MICU1: variants seen among roughly 807,000 people sequenced by gnomAD.
MICU1 encodes the protein mitochondrial calcium uptake 1.
Under a neutral mutation model 56.8 loss-of-function variants are expected in MICU1, and 45 were observed. The observed-to-expected ratio is 0.79, with a 90% CI of 0.62 to 1.02. The LOEUF is 1.02. Among genes scored for constraint, MICU1 ranks in the 50% least tolerant of loss-of-function variants. The probability of loss-of-function intolerance (pLI) is 0.00; values close to 1 mark genes in which losing one functional copy is unlikely to be tolerated. For missense variants in MICU1, 504 were observed against 587.1 expected, an observed-to-expected ratio of 0.86 and a Z score of 1.46; for synonymous variants, 186 against 195.1, an observed-to-expected ratio of 0.95 and a Z score of 0.39.
chr10:72,456,677 T>C (rs1865467542), intron 8 of MICU1, among the ~76,000 whole-genome samples: 1 of 152,132 alleles, frequency 6.6e-6, no homozygotes, highest in South Asian at 2.1e-4. Flanking sequence ...AACTATGTTT[T>C]AGGGTAATTT....
chr10:72,625,510 G>C (rs950347025), intron 1 of MICU1, among the ~76,000 whole-genome samples: 1 of 152,200 alleles, frequency 6.6e-6, no homozygotes. Flanking sequence ...GATAAAAACT[G>C]AACAGTCCGA....
intron 6 of MICU1, among the ~76,000 whole-genome samples, chr10:72,489,325 A>ACAC (rs1564898377): frequency 2.0e-4 from 24 of 121,276 alleles, no homozygotes; most frequent in African/African-American, 7.0e-4. Flanking sequence ...CACACACACA[A>ACAC]AAATAAAAAA....
At chr10:72,568,097 T>G (rs1361511804) in intron 1 of MICU1, among the ~76,000 whole-genome samples, 1 of 152,182 alleles carries the variant, frequency 6.6e-6, no homozygotes, top group Non-Finnish European at 1.5e-5. Context: ...GGGGAGACTT[T>G]GCTGCCCCCT....
chr10:72,572,570 A>G (rs1720963168), intron 1 of MICU1, among the ~76,000 whole-genome samples: 1 of 152,094 alleles, frequency 6.6e-6, no homozygotes, highest in South Asian at 2.1e-4. Flanking sequence ...TGATGCTATA[A>G]TAACATAATG....
intron 8 of MICU1, among the ~76,000 whole-genome samples, chr10:72,458,929 A>G (rs1165850950): frequency 7.9e-6 from 1 of 125,818 alleles, no homozygotes; most frequent in East Asian, 2.4e-4. Context: ...TTATCTTCCT[A>G]TGTTGCCCAG....
intron 1 of MICU1, among the ~76,000 whole-genome samples, chr10:72,587,367 T>A (rs545022053): frequency 3.4e-5 from 5 of 146,922 alleles, no homozygotes; most frequent in African/African-American, 1.3e-4. Context: ...CTCAGGAGGC[T>A]AAGGTGAGAG....
intron 4 of MICU1, among the ~76,000 whole-genome samples, chr10:72,534,210 A>C (rs910376879): frequency 1.6e-4 from 25 of 152,160 alleles, no homozygotes; most frequent in Admixed American, 5.2e-4. Context: ...AAAAAAAAAA[A>C]AAACTATTGC....
At chr10:72,397,349 C>T (rs949990047) in intron 10 of MICU1, among the ~76,000 whole-genome samples, 15 of 152,248 alleles carry the variant, frequency 9.9e-5, no homozygotes, top group African/African-American at 3.4e-4. Context: ...CAAAGACCAT[C>T]GATGCTATGA....
At position 72,368,372 on chromosome 10, in the gene MICU1, AAAC is replaced by A. The variant is rs1589141821; in HGVS notation, c.1271-20_1271-18del. ...CGCCATTGCCTAGAGGAAGAGGCAAAAACAACAGGGATAAGTGTTGGCCTTGGA... is the reference window on the plus strand; with the variant it reads ...CGCCATTGCCTAGAGGAAGAGGCAAAAACAGGGATAAGTGTTGGCCTTGGA... On this transcript the variant is annotated intron_variant, in intron 11 of 11. Transcript: ENST00000361114. The A allele has an allele frequency of 6.2e-7, 1 of 1,609,956 alleles. No homozygotes were observed. Among genetic ancestry groups the A allele is most frequent in the Non-Finnish European group, 8.5e-7 (1 of 1,176,720 alleles).
At chr10:72,440,645 A>C (rs1369289299) in intron 8 of MICU1, among the ~76,000 whole-genome samples, 1 of 152,188 alleles carries the variant, frequency 6.6e-6, no homozygotes, top group Non-Finnish European at 1.5e-5. Context: ...TTTGCAATCT[A>C]CTCATCTGAC....
chr10:72,550,040 C>T (rs1436811893), intron 4 of MICU1, among the ~76,000 whole-genome samples: 2 of 151,878 alleles, frequency 1.3e-5, no homozygotes, highest in East Asian at 1.9e-4. Flanking sequence ...TATACAGTGG[C>T]GGTCCCATAA....
chr10:72,417,658 C>T (rs917471987), intron 9 of MICU1, among the ~76,000 whole-genome samples: 1 of 152,104 alleles, frequency 6.6e-6, no homozygotes. Flanking sequence ...TTTATGAAGT[C>T]TCAGAAAACT....
intron 5 of MICU1, chr10:72,533,217 C>T (rs1839539362): frequency 4.1e-6 from 4 of 971,206 alleles, no homozygotes; most frequent in Non-Finnish European, 5.6e-6. Context: ...CTGAAAGTCT[C>T]ATTTTCTATA....
At chr10:72,584,041 T>C (rs1840977960) in intron 1 of MICU1, among the ~76,000 whole-genome samples, 1 of 152,230 alleles carries the variant, frequency 6.6e-6, no homozygotes, top group Non-Finnish European at 1.5e-5. Flanking sequence ...ATGATAATTG[T>C]AGAAACAAGT....
At chr10:72,542,418 G>A (rs144989987) in intron 4 of MICU1, among the ~76,000 whole-genome samples, 3 of 152,314 alleles carry the variant, frequency 2.0e-5, no homozygotes, top group African/African-American at 7.2e-5. Flanking sequence ...CTTTTTCACA[G>A]GACTCATGAC....
At chr10:72,528,454 T>C (rs1203748596) in intron 5 of MICU1, among the ~76,000 whole-genome samples, 1 of 152,190 alleles carries the variant, frequency 6.6e-6, no homozygotes, top group Non-Finnish European at 1.5e-5. Context: ...CCTGAATAAA[T>C]ATATTAATTA....
intron 5 of MICU1, chr10:72,533,036 C>T (rs1839534047): frequency 7.8e-7 from 1 of 1,289,268 alleles, no homozygotes; most frequent in Non-Finnish European, 1.0e-6. Flanking sequence ...ACTTCCTGTT[C>T]ATTGTGCTTT....
intron 4 of MICU1, among the ~76,000 whole-genome samples, chr10:72,542,913 G>T (rs1034454363): frequency 6.6e-6 from 1 of 152,204 alleles, no homozygotes; most frequent in African/African-American, 2.4e-5. Flanking sequence ...GGGATGGGAT[G>T]GGCAGGTAAT....
chr10:72,530,514 A>C (rs922501854), intron 5 of MICU1, among the ~76,000 whole-genome samples: 1 of 152,028 alleles, frequency 6.6e-6, no homozygotes, highest in African/African-American at 2.4e-5. Flanking sequence ...ATATTTTCAA[A>C]ATAATATCAC....
Sources: gnomAD v4.1 joint callset for allele counts (sites outside exome capture counted in the v4.1 genomes callset) on GRCh38, gnomAD v4.1.1 for gene constraint, MANE v1.5 for transcripts, NCBI Gene and HGNC (gene_info 2026-07-23, HGNC 2026-07-21) for gene names.